LMNTD1: variants seen among roughly 807,000 people sequenced by gnomAD.
The protein encoded by LMNTD1 is lamin tail domain containing 1.
LMNTD1 carries 35 observed loss-of-function variants against 50.9 expected under a neutral mutation model. That is an observed-to-expected ratio of 0.69 (90% CI 0.53 to 0.91). The LOEUF (loss-of-function observed/expected upper bound fraction) is 0.91, where lower values mean the gene tolerates loss of function less well. Among genes scored for constraint, LMNTD1 ranks in the 40% least tolerant of loss-of-function variants. LMNTD1 has a pLI of 0.00. For missense variants in LMNTD1, 470 were observed against 475.5 expected, an observed-to-expected ratio of 0.99 and a Z score of 0.11; for synonymous variants, 153 against 161.9, an observed-to-expected ratio of 0.94 and a Z score of 0.42.
intron 4 of LMNTD1, among the ~76,000 whole-genome samples, chr12:25,530,000 T>C (rs931414123): frequency 3.9e-5 from 6 of 152,160 alleles, no homozygotes; most frequent in African/African-American, 9.6e-5. Flanking sequence ...CATGTCCTTA[T>C]AAACACTTCA....
At chr12:25,535,543 T>A (rs554688072) in intron 4 of LMNTD1, among the ~76,000 whole-genome samples, 1 of 152,034 alleles carries the variant, frequency 6.6e-6, no homozygotes, top group Non-Finnish European at 1.5e-5. Flanking sequence ...CCAAAAATAA[T>A]GATAATGAGA....
At chr12:25,478,909 C>T (rs1938356684) in intron 9 of LMNTD1, among the ~76,000 whole-genome samples, 1 of 151,490 alleles carries the variant, frequency 6.6e-6, no homozygotes, top group African/African-American at 2.4e-5. Context: ...ATGACCCAAA[C>T]TTTCATTCCT....
At chr12:25,508,930 A>C (rs1940036414) in intron 8 of LMNTD1, among the ~76,000 whole-genome samples, 1 of 152,118 alleles carries the variant, frequency 6.6e-6, no homozygotes, top group Admixed American at 6.5e-5. Context: ...TGAATATTTT[A>C]TCAAATGCTT....
intron 3 of LMNTD1, among the ~76,000 whole-genome samples, chr12:25,548,661 C>T (rs954143968): frequency 6.6e-6 from 1 of 151,860 alleles, no homozygotes; most frequent in Non-Finnish European, 1.5e-5. Flanking sequence ...TCCTGTGTTT[C>T]AAAGGATGAT....
intron 8 of LMNTD1, among the ~76,000 whole-genome samples, chr12:25,508,856 A>G (rs999167894): frequency 4.6e-5 from 7 of 152,116 alleles, no homozygotes; most frequent in African/African-American, 1.7e-4. Flanking sequence ...TGCAAATATC[A>G]TTCGTCAGAT....
intron 8 of LMNTD1, among the ~76,000 whole-genome samples, chr12:25,517,716 T>G (rs1444696322): frequency 3.4e-3 from 19 of 5,602 alleles, no homozygotes; most frequent in Middle Eastern, 0.12. Flanking sequence ...AGAATAATAA[T>G]AATAATAATA....
At position 25,529,348 on chromosome 12, in the gene LMNTD1, G is replaced by A. The variant is rs138486736; in HGVS notation, c.492-2393C>T. On this transcript the variant is annotated intron_variant, in intron 4 of 9. Coordinates refer to ENST00000458174, the MANE Select transcript of LMNTD1 (RefSeq NM_001145728.2). ...CATGACTGCTAAAACTAAATCTTTTGCCTAGACCTTCCTACTGAGCTTCGG... is the reference window on the plus strand; with the variant it reads ...CATGACTGCTAAAACTAAATCTTTTACCTAGACCTTCCTACTGAGCTTCGG... Among the ~76,000 whole-genome samples the A allele has an allele frequency of 6.3e-3, 961 of 152,118 alleles. 3 individuals are homozygous for A. Among genetic ancestry groups the A allele is most frequent in the South Asian group, 7.7e-3 (37 of 4,810 alleles).
chr12:25,549,688 G>A lies in LMNTD1; in HGVS notation c.90-142C>T, dbSNP rs549105900. 9 of 432,594 alleles carry A rather than the reference G, an allele frequency of 2.1e-5. No homozygotes were observed. In the East Asian group the frequency reaches 3.1e-4, roughly 15 times the overall value. 26.8% of individuals were successfully genotyped at this position (432,594 alleles called of 1,614,324 possible). A position where few individuals can be genotyped will look rare whatever the true frequency, so the allele number is the denominator to read the frequency against. On this transcript the variant is annotated intron_variant, in intron 2 of 9. Transcript: ENST00000458174. ...TCCAACACAAGCACAATAACATCTT[G>A]TATTTCTAGTTTTAACAATCTAAAT... is the stretch of plus-strand genomic sequence containing the variant.
intron 1 of LMNTD1, among the ~76,000 whole-genome samples, chr12:25,602,672 C>T (rs1406715365): frequency 6.6e-6 from 1 of 151,936 alleles, no homozygotes; most frequent in African/African-American, 2.4e-5. Context: ...GATACAACTG[C>T]CTTTAGACTC....
At chr12:25,589,865 G>A (rs750130738) in intron 1 of LMNTD1, among the ~76,000 whole-genome samples, 49 of 151,624 alleles carry the variant, frequency 3.2e-4, no homozygotes, top group Non-Finnish European at 6.5e-4. Context: ...ATCTGCATTC[G>A]CAGAAAAAGA....
intron 2 of LMNTD1, 90 bp downstream of exon 2, chr12:25,552,781 A>C: frequency 1.3e-6 from 1 of 759,356 alleles, no homozygotes; most frequent in East Asian, 2.7e-5. Context: ...GGTTCATAAG[A>C]GTATTGAAAC....
At chr12:25,508,223 T>G (rs74470110) in intron 8 of LMNTD1, among the ~76,000 whole-genome samples, 1 of 152,334 alleles carries the variant, frequency 6.6e-6, no homozygotes, top group East Asian at 1.9e-4. Flanking sequence ...AAACACCACT[T>G]GGATCAAGAA....
In LMNTD1 at chr12:25,573,555, G is replaced by A. The variant is rs923485036; in HGVS notation, c.59-27001C>T. On this transcript the variant is annotated intron_variant, in intron 1 of 7. Coordinates refer to the LMNTD1 transcript ENST00000445693. ...ACAACATAACATGCCAGGGAAAGAT[G>A]AAAAAACTGCAAAATCATGCCCAGA... is the stretch of plus-strand genomic sequence containing the variant. 3.9e-5 allele frequency among the ~76,000 whole-genome samples: 6 copies of A among 152,226 alleles called. No individual in the cohort carries two copies. In the East Asian group the frequency reaches 9.7e-4, roughly 25 times the overall value.
intron 1 of LMNTD1, among the ~76,000 whole-genome samples, chr12:25,635,763 G>T (rs1453523043): frequency 6.6e-6 from 1 of 152,154 alleles, no homozygotes; most frequent in Non-Finnish European, 1.5e-5. Context: ...TACCAAAACA[G>T]CATGGTACTG....
intron 4 of LMNTD1, among the ~76,000 whole-genome samples, chr12:25,540,631 C>G (rs1223066772): frequency 7.1e-6 from 1 of 140,064 alleles, no homozygotes; most frequent in African/African-American, 2.6e-5. Flanking sequence ...ACTGAATGGG[C>G]AAAAACTGGA....
chr12:25,647,479 G>A (rs533907335), intron 1 of LMNTD1, among the ~76,000 whole-genome samples: 1 of 152,238 alleles, frequency 6.6e-6, no homozygotes, highest in African/African-American at 2.4e-5. Flanking sequence ...GACAGAGCCA[G>A]ATCCTGTATT....
chr12:25,511,365 G>A (rs1940278806), intron 8 of LMNTD1, among the ~76,000 whole-genome samples: 1 of 152,062 alleles, frequency 6.6e-6, no homozygotes, highest in South Asian at 2.1e-4. Context: ...AAGACCGTTA[G>A]GATACCTCAG....
rs531720900 is a variant in LMNTD1, at chr12:25,594,778, C to T, written c.59-48224G>A. Among the ~76,000 whole-genome samples the T allele has an allele frequency of 2.0e-5, 3 of 151,258 alleles. No individual in the cohort carries two copies. The East Asian group carries it at 5.8e-4, about 29-fold the overall frequency. ...TGGCCTAAACGCTCCACTTAAAAGACTCAGAATTGCAGAATGGATAAAAAT... is the reference window on the plus strand; with the variant it reads ...TGGCCTAAACGCTCCACTTAAAAGATTCAGAATTGCAGAATGGATAAAAAT... On this transcript the variant is annotated intron_variant, in intron 1 of 7. Coordinates refer to the LMNTD1 transcript ENST00000445693.
chr12:25,503,458 A>G (rs1247102567), intron 9 of LMNTD1, among the ~76,000 whole-genome samples: 1 of 152,214 alleles, frequency 6.6e-6, no homozygotes, highest in Non-Finnish European at 1.5e-5. Context: ...CTGGAGTTCA[A>G]GGGCTCATTG....
Sources: allele counts gnomAD v4.1 joint callset (sites outside exome capture counted in the v4.1 genomes callset), GRCh38; gene constraint gnomAD v4.1.1; transcripts MANE v1.5; gene names NCBI Gene and HGNC (gene_info 2026-07-23, HGNC 2026-07-21).